The following PRRC2C variants were observed in gnomAD, a reference collection of about 807,000 sequenced individuals.
The protein encoded by PRRC2C is proline rich coiled-coil 2C, also known as protein PRRC2C.
A neutral mutation model predicts 317.2 loss-of-function variants in PRRC2C; 72 were observed. The observed-to-expected ratio is 0.23, with a 90% confidence interval of 0.19 to 0.28. The LOEUF (loss-of-function observed/expected upper bound fraction) is 0.28. Among genes scored for constraint, PRRC2C ranks in the 10% least tolerant of loss-of-function variants. PRRC2C has a pLI of 1.00. For missense variants in PRRC2C, 3,074 were observed against 3,459.7 expected (o/e 0.89, Z 2.80); for synonymous variants, 1,296 against 1,205.9 (o/e 1.07, Z -1.55).
At chr1:171,506,687 T>TTGTGTG (rs34060083) in intron 1 of PRRC2C, among the ~76,000 whole-genome samples, 9,820 of 136,494 alleles carry the variant, frequency 0.072, 382 homozygotes, top group Middle Eastern at 0.18. Context: ...TTTTTTTTCT[T>TTGTGTG]TGTGTGTGTG....
chr1:171,591,601 A>G lies in PRRC2C; in HGVS notation c.8451A>G (p.Ala2817=), dbSNP rs1651460136. 1 of 1,613,658 alleles carries G rather than the reference A, an allele frequency of 6.2e-7. No individual in the cohort carries two copies. The highest frequency in any genetic ancestry group is 2.2e-5 in the East Asian group (1 of 44,886). The change falls in exon 35 of 35, where the codon GCA becomes GCG. Residue 2817 remains alanine (A), a synonymous_variant. Coordinates refer to ENST00000647382, the MANE Select transcript of PRRC2C (RefSeq NM_001387844.1). ...AEQDMKAKQR[A]EVLQSTQRFF... is the part of the protein sequence containing the mutation. ...CATTTTTTAAGGCAAAGCAGAGAGC[A>G]GAGGTTCTTCAGTCCACGCAACGGT...
At chr1:171,494,950 A>C (rs1667858050) in intron 1 of PRRC2C, among the ~76,000 whole-genome samples, 1 of 152,190 alleles carries the variant, frequency 6.6e-6, no homozygotes, top group South Asian at 2.1e-4. Context: ...TGCTTTAGCA[A>C]AATTACACGT....
chr1:171,532,051 C>T (rs1675984983), intron 11 of PRRC2C, among the ~76,000 whole-genome samples: 2 of 152,274 alleles, frequency 1.3e-5, no homozygotes, highest in South Asian at 4.1e-4. Flanking sequence ...TTTTGAGATT[C>T]ACTGTTGTGC....
intron 1 of PRRC2C, chr1:171,509,556 AT>A (rs942176615): frequency 3.7e-3 from 560 of 150,938 alleles, no homozygotes; most frequent in African/African-American, 0.013. Flanking sequence ...CACCTGAAGA[AT>A]TTTTTTTTTT....
chr1:171,582,879 T>C (rs1648999710), intron 28 of PRRC2C, among the ~76,000 whole-genome samples: 1 of 152,172 alleles, frequency 6.6e-6, no homozygotes. Context: ...AACAAATTTT[T>C]CTTCAATAAT....
At chr1:171,547,633 C>CTTTTTTTTTTTTTTT (rs35480518) in intron 17 of PRRC2C, among the ~76,000 whole-genome samples, 1 of 129,840 alleles carries the variant, frequency 7.7e-6, no homozygotes, top group Non-Finnish European at 1.6e-5. Flanking sequence ...AGTTTCCCTT[C>CTTTTTTTTTTTTTTT]TTTTTTTTTT....
chr1:171,550,150 T>G lies in PRRC2C; in HGVS notation c.5037T>G (p.Asn1679Lys), dbSNP rs889588113. The change falls in exon 18 of 35, where the codon AAT (asparagine) becomes AAG (lysine). Residue 1679 changes from asparagine to lysine, a missense_variant. Asn to Lys is a moderately conservative substitution (Grantham distance 94). Transcript: ENST00000647382. ...TVIEDPQSNL[N>K]DDGFTEVVSK... is the part of the protein sequence containing the mutation. ...TTGAAGATCCCCAGTCAAATTTGAA[T>G]GATGATGGTTTTACTGAAGTGGTAT... The G allele has an allele frequency of 1.2e-6, 2 of 1,608,386 alleles. No homozygotes were observed. Among genetic ancestry groups the G allele is most frequent in the Admixed American group, 3.4e-5 (2 of 59,410 alleles).
At chr1:171,578,282 G>A (rs1477207451) in intron 26 of PRRC2C, among the ~76,000 whole-genome samples, 1 of 152,022 alleles carries the variant, frequency 6.6e-6, no homozygotes, top group East Asian at 1.9e-4. Context: ...GCTGGGTGTG[G>A]TGGCTCATAC....
chr1:171,591,035 G>A (rs557598367), intron 34 of PRRC2C: 2 of 283,286 alleles, frequency 7.1e-6, no homozygotes, highest in South Asian at 2.7e-4. Flanking sequence ...TATATTTTTG[G>A]GGGCACATAG....
intron 5 of PRRC2C, among the ~76,000 whole-genome samples, chr1:171,516,302 AAAAAT>A (rs1672350821): frequency 6.6e-6 from 1 of 152,216 alleles, no homozygotes; most frequent in Admixed American, 6.5e-5. Context: ...AGCAAAAACT[AAAAAT>A]AAAAGTGTAA....
intron 1 of PRRC2C, chr1:171,510,185 G>A (rs1023809928): frequency 6.6e-6 from 1 of 152,180 alleles, no homozygotes; most frequent in Admixed American, 6.5e-5. Context: ...GTAGCAGTAG[G>A]TGTAGGAAGG....
Position 171,589,034 on chromosome 1 carries a change from A to G in PRRC2C, c.8200-335A>G, listed in dbSNP as rs1204227901. Among the ~76,000 whole-genome samples, 7 of 152,220 alleles carry G rather than the reference A, an allele frequency of 4.6e-5. No individual in the cohort carries two copies. The South Asian group carries it at 6.2e-4, about 14-fold the overall frequency. ...TTGATTTTATTTATCTTCAGATTACATTTGTTACAGGTGTGTGCCTTTTCT... is the reference window on the plus strand; with the variant it reads ...TTGATTTTATTTATCTTCAGATTACGTTTGTTACAGGTGTGTGCCTTTTCT... On this transcript the variant is annotated intron_variant, in intron 33 of 34. Transcript: ENST00000647382.
At chr1:171,522,996 T>C (rs1673889646) in intron 7 of PRRC2C, among the ~76,000 whole-genome samples, 1 of 152,178 alleles carries the variant, frequency 6.6e-6, no homozygotes, top group African/African-American at 2.4e-5. Flanking sequence ...TCTTAAATAT[T>C]TGAGAATTCT....
intron 3 of PRRC2C, 36 bp from the exon 4 acceptor site, chr1:171,514,500 A>G (rs370104914): frequency 6.3e-6 from 9 of 1,425,498 alleles, no homozygotes; most frequent in Admixed American, 2.0e-5. Context: ...TTAAACATAC[A>G]GTATCTGAAA....
intron 13 of PRRC2C, 92 bp downstream of exon 13, chr1:171,535,689 A>T: frequency 1.5e-6 from 2 of 1,348,604 alleles, no homozygotes; most frequent in South Asian, 2.8e-5. Context: ...GATAATACGT[A>T]AAGCACACAA....
chr1:171,542,099 T>G lies in PRRC2C; in HGVS notation c.4633T>G (p.Phe1545Val), dbSNP rs780048739. ...AAAGAGGGAAATTGCAAAGAGAAGT[T>G]TTTCTAGTCAGAGACCAGTAGATCG... is the stretch of plus-strand genomic sequence containing the variant. Reference protein sequence around the residue: ...PPKREIAKRSFSSQRPVDRQN... With the variant: ...PPKREIAKRSVSSQRPVDRQN... The change falls in exon 16 of 35, where the codon TTT becomes GTT. Residue 1545 changes from phenylalanine (F) to valine (V), a missense_variant. Phe to Val is a conservative substitution (Grantham distance 50). Around this residue, in one of 11 missense-constraint regions of PRRC2C, gnomAD observed 178 missense variants for 163.0 expected, o/e 1.09. Coordinates refer to ENST00000647382, the MANE Select transcript of PRRC2C (RefSeq NM_001387844.1). 6.2e-7 allele frequency: 1 copy of G among 1,613,878 alleles called. No individual in the cohort carries two copies. Among genetic ancestry groups the G allele is most frequent in the Non-Finnish European group, 8.5e-7 (1 of 1,179,862 alleles).
At chr1:171,515,891 G>T in intron 5 of PRRC2C, 32 bp downstream of exon 5, 2 of 1,547,816 alleles carry the variant, frequency 1.3e-6, no homozygotes, top group South Asian at 1.2e-5. Context: ...TACAAAATGA[G>T]ATCATATTTG....
chr1:171,536,780 G>T (rs1676921757), intron 14 of PRRC2C, among the ~76,000 whole-genome samples: 1 of 152,260 alleles, frequency 6.6e-6, no homozygotes, highest in South Asian at 2.1e-4. Context: ...ATGATAAGCT[G>T]ATCACAAATC....
chr1:171,511,980 T>G, intron 1 of PRRC2C, 52 bp from the exon 2 acceptor site: 1 of 557,012 alleles, frequency 1.8e-6, no homozygotes, highest in South Asian at 2.7e-5. Flanking sequence ...TGTGAACATT[T>G]GAATTTACTG....
Sources: gnomAD v4.1 joint callset for allele counts (sites outside exome capture counted in the v4.1 genomes callset) on GRCh38, gnomAD v4.1.1 for gene constraint, gnomAD v4.1.1 regional missense constraint, MANE v1.5 for transcripts, NCBI Gene and HGNC (gene_info 2026-07-23, HGNC 2026-07-21) for gene names.